Variants in SEM1 observed in about 807,000 individuals in gnomAD.
SEM1 encodes SEM1 26S proteasome subunit, also known as 26S proteasome complex subunit SEM1.
SEM1 carries 3 observed loss-of-function variants against 12.7 expected under a neutral mutation model. That is an observed-to-expected ratio of 0.24 (90% CI 0.11 to 0.61). SEM1 has a LOEUF of 0.61. Among genes scored for constraint, SEM1 ranks in the 20% least tolerant of loss-of-function variants. The probability of loss-of-function intolerance (pLI) is 0.88; values close to 1 mark genes in which losing one functional copy is unlikely to be tolerated. For missense variants in SEM1, 59 were observed against 81.3 expected (o/e 0.73, Z 1.06); for synonymous variants, 30 against 27.8 (o/e 1.08, Z -0.25).
intron 2 of SEM1, among the ~76,000 whole-genome samples, chr7:96,624,672 C>T (rs536975652): frequency 1.3e-5 from 2 of 152,216 alleles, no homozygotes; most frequent in African/African-American, 4.8e-5. Flanking sequence ...CAGGATGTCC[C>T]CTTCCAACAT....
intron 2 of SEM1, among the ~76,000 whole-genome samples, chr7:96,572,892 TC>T (rs772915753): frequency 2.0e-4 from 30 of 152,204 alleles, no homozygotes; most frequent in Non-Finnish European, 4.0e-4. Flanking sequence ...TGTTAAAGTC[TC>T]CCACTATTAT....
At chr7:96,530,678 G>A (rs142163869) in intron 2 of SEM1, among the ~76,000 whole-genome samples, 2 of 152,158 alleles carry the variant, frequency 1.3e-5, no homozygotes, top group South Asian at 2.1e-4. Flanking sequence ...AAAACAATTC[G>A]GCGTAGCATT....
chr7:96,484,755 T>C, intron 3 of SEM1: 1 of 926,808 alleles, frequency 1.1e-6, no homozygotes, highest in Non-Finnish European at 1.5e-6. Flanking sequence ...CATCACTGGG[T>C]GCCTTAAAAA....
intron 2 of SEM1, among the ~76,000 whole-genome samples, chr7:96,548,779 G>A (rs1305073972): frequency 6.6e-6 from 1 of 152,048 alleles, no homozygotes; most frequent in Non-Finnish European, 1.5e-5. Flanking sequence ...AGTGCCTACC[G>A]CATATTTAGC....
chr7:96,605,409 AT>A (rs2116212580), intron 2 of SEM1, among the ~76,000 whole-genome samples: 1 of 152,344 alleles, frequency 6.6e-6, no homozygotes, highest in Admixed American at 6.5e-5. Context: ...ATCATAGTCT[AT>A]TGACACAAAA....
chr7:96,622,882 C>A, intron 2 of SEM1: 1 of 498,072 alleles, frequency 2.0e-6, no homozygotes, highest in Non-Finnish European at 3.6e-6. Flanking sequence ...GTGAGCTCTG[C>A]ATGGAATACA....
At chr7:96,620,826 A>G (rs898283366), downstream of SEM1, among the ~76,000 whole-genome samples, 2 of 151,192 alleles carry the variant, frequency 1.3e-5, no homozygotes, top group Admixed American at 6.6e-5. Flanking sequence ...ACTCTATGTT[A>G]TGTTTTTTTT....
At chr7:96,687,644 GA>G (rs1451227196), downstream of SEM1, among the ~76,000 whole-genome samples, 18 of 151,868 alleles carry the variant, frequency 1.2e-4, no homozygotes, top group African/African-American at 4.1e-4. Context: ...GGGGTGGGGA[GA>G]GGGGGGAGGG....
intron 1 of SEM1, 75 bp from the exon 2 acceptor site, chr7:96,694,966 T>G: frequency 9.3e-7 from 1 of 1,071,854 alleles, no homozygotes; most frequent in South Asian, 1.3e-5. Context: ...TTGAAAAGCT[T>G]GCTACTGAAC....
At chr7:96,558,135 A>G (rs1428544579) in intron 2 of SEM1, 1 of 153,166 alleles carries the variant, frequency 6.5e-6, no homozygotes, top group Non-Finnish European at 1.5e-5. Flanking sequence ...GAAATGCAGA[A>G]ATCACCCATC....
chr7:96,565,398 A>G (rs2115940349), intron 2 of SEM1, among the ~76,000 whole-genome samples: 1 of 152,046 alleles, frequency 6.6e-6, no homozygotes, highest in Non-Finnish European at 1.5e-5. Flanking sequence ...GCCCGGAGGC[A>G]GCCATTATAG....
rs1808568994 is a variant in SEM1, at chr7:96,640,889, C to G, written c.171-18246G>C. 6.6e-6 allele frequency among the ~76,000 whole-genome samples: 1 copy of G among 151,924 alleles called. No individual in the cohort carries two copies. The highest frequency in any genetic ancestry group is 1.5e-5 in the Non-Finnish European group (1 of 67,938). On this transcript the variant is annotated intron_variant, in intron 2 of 2. Transcript: ENST00000417009. This position sits in a 1 kb window ranked among gnomAD's most constrained non-coding sequence, Gnocchi z 4.0. ...TTTCAGTTTTGCTGTTAACCTAACA[C>G]TGCTCTAAAAAATATGGTTTCTTTA...
intron 2 of SEM1, among the ~76,000 whole-genome samples, chr7:96,570,326 C>T (rs1805980096): frequency 6.6e-6 from 1 of 151,954 alleles, no homozygotes; most frequent in South Asian, 2.1e-4. Flanking sequence ...GGTATTCCTC[C>T]TAATGCTATC....
chr7:96,597,309 A>G (rs1807030955), intron 2 of SEM1, among the ~76,000 whole-genome samples: 2 of 152,182 alleles, frequency 1.3e-5, no homozygotes, highest in Non-Finnish European at 2.9e-5. Context: ...TTACTGACCC[A>G]AAGTTTACCT....
intron 2 of SEM1, among the ~76,000 whole-genome samples, chr7:96,567,611 A>G (rs954313909): frequency 3.3e-5 from 5 of 151,514 alleles, no homozygotes; most frequent in Admixed American, 3.3e-4. Context: ...TAGTTTCACC[A>G]CTCAGCACAA....
intron 2 of SEM1, among the ~76,000 whole-genome samples, chr7:96,555,610 G>C (rs1321200266): frequency 1.8e-3 from 254 of 142,014 alleles, no homozygotes; most frequent in African/African-American, 6.2e-3. Context: ...TTACTTCCAA[G>C]TATGTGGTCA....
chr7:96,648,288 T>C (rs1345917676), intron 2 of SEM1, among the ~76,000 whole-genome samples: 8 of 152,236 alleles, frequency 5.3e-5, no homozygotes. Flanking sequence ...ATGTTAGTTC[T>C]GGACATAGAA....
chr7:96,667,352 T>A (rs1244795930), intron 2 of SEM1, among the ~76,000 whole-genome samples: 1 of 152,300 alleles, frequency 6.6e-6, no homozygotes, highest in Admixed American at 6.5e-5. Flanking sequence ...AACTATTCCC[T>A]GGGTAACCAC....
At chr7:96,488,972 C>T (rs1188921531) in intron 1 of SEM1, among the ~76,000 whole-genome samples, 2 of 151,998 alleles carry the variant, frequency 1.3e-5, no homozygotes, top group African/African-American at 4.8e-5. Flanking sequence ...CTGGGATGTG[C>T]GTACAGATAC....
Sources: allele counts gnomAD v4.1 joint callset (sites outside exome capture counted in the v4.1 genomes callset), GRCh38; gene constraint gnomAD v4.1.1; non-coding constraint Gnocchi (gnomAD v3.1); transcripts MANE v1.5; gene names NCBI Gene and HGNC (gene_info 2026-07-23, HGNC 2026-07-21).